The following UNC5C variants were observed in gnomAD, a reference collection of about 807,000 sequenced individuals.
The protein encoded by UNC5C is unc-5 netrin receptor C.
A neutral mutation model predicts 99.8 loss-of-function variants in UNC5C; 47 were observed. The ratio of observed to expected loss-of-function variants is 0.47; its 90% CI spans 0.37 to 0.60. The LOEUF is 0.60. Ranked by LOEUF, UNC5C falls within the 20% of genes least tolerant of loss-of-function variation. UNC5C has a pLI of 0.00. For missense variants in UNC5C, 1,062 were observed against 1,165.9 expected (o/e 0.91, Z 1.30); for synonymous variants, 487 against 452.2 (o/e 1.08, Z -0.98).
In UNC5C at chr4:95,250,661, A is replaced by G; in HGVS notation, c.601T>C (p.Trp201Arg). Residue 201 changes from tryptophan to arginine, a missense_variant, in exon 5 of 16, where the codon TGG becomes CGG. Trp to Arg is a moderately radical substitution (Grantham distance 101). This residue lies in a region of UNC5C where 249 missense variants were observed against 295.1 expected (regional missense o/e 0.84). Coordinates refer to ENST00000453304, the MANE Select transcript of UNC5C (RefSeq NM_003728.4). ...TCAATTATGTCTTCATTTTTCAACC[A>G]TTCCACCTAAAGATAAATGAGAAAA... is the stretch of plus-strand genomic sequence containing the variant. ...PEGIPVAEVE[W>R]LKNEDIIDPV... is the part of the protein sequence containing the mutation. The G allele has an allele frequency of 6.2e-7, 1 of 1,613,826 alleles. No individual in the cohort carries two copies. The highest frequency in any genetic ancestry group is 8.5e-7 in the Non-Finnish European group (1 of 1,179,850).
chr4:95,358,542 A>G (rs1744286848), intron 1 of UNC5C, among the ~76,000 whole-genome samples: 1 of 152,168 alleles, frequency 6.6e-6, no homozygotes, highest in African/African-American at 2.4e-5. Context: ...AGAAATCACA[A>G]TACTTGACAC....
intron 1 of UNC5C, among the ~76,000 whole-genome samples, chr4:95,525,822 A>G (rs1390066339): frequency 1.3e-5 from 2 of 152,140 alleles, no homozygotes; most frequent in African/African-American, 4.8e-5. Context: ...AATGGGAGGT[A>G]AGGGGGCTAT....
At chr4:95,390,853 A>G (rs554835673) in intron 1 of UNC5C, among the ~76,000 whole-genome samples, 57 of 152,298 alleles carry the variant, frequency 3.7e-4, no homozygotes, top group African/African-American at 1.3e-3. Flanking sequence ...CAGCCTCCAG[A>G]GTAGCTAGGA....
chr4:95,358,462 A>C (rs1291128714), intron 1 of UNC5C, among the ~76,000 whole-genome samples: 3 of 152,220 alleles, frequency 2.0e-5, no homozygotes, highest in African/African-American at 4.8e-5. Context: ...AGAAGATGGT[A>C]AGGGTATGAG....
At chr4:95,182,712 A>AT (rs1393551825) in intron 14 of UNC5C, among the ~76,000 whole-genome samples, 185 bp downstream of exon 14, 17 of 151,978 alleles carry the variant, frequency 1.1e-4, no homozygotes, top group Admixed American at 3.9e-4. Flanking sequence ...TAATATATAT[A>AT]TATTTTTTTC....
chr4:95,330,841 G>A (rs1743083631), intron 2 of UNC5C, among the ~76,000 whole-genome samples: 2 of 151,834 alleles, frequency 1.3e-5, no homozygotes, highest in Admixed American at 6.6e-5. Flanking sequence ...GTAATTTATG[G>A]GATATAAGTA....
At chr4:95,396,157 C>T (rs1745502781) in intron 1 of UNC5C, among the ~76,000 whole-genome samples, 2 of 152,136 alleles carry the variant, frequency 1.3e-5, no homozygotes, top group Admixed American at 1.3e-4. Context: ...TCAGAAGCTA[C>T]AGGGGAAGAG....
chr4:95,192,547 T>C (rs13123630), intron 12 of UNC5C, among the ~76,000 whole-genome samples: 7 of 135,430 alleles, frequency 5.2e-5, no homozygotes, highest in African/African-American at 1.4e-4. Context: ...CCTCTCCTGG[T>C]CGCCTCTTCT....
At chr4:95,349,071 G>A (rs1289207295) in intron 1 of UNC5C, among the ~76,000 whole-genome samples, 19 of 151,210 alleles carry the variant, frequency 1.3e-4, no homozygotes, top group Non-Finnish European at 4.4e-5. Flanking sequence ...AGAACAGGGA[G>A]ACCACAGTCA....
At chr4:95,286,823 C>A (rs2903005) in intron 3 of UNC5C, among the ~76,000 whole-genome samples, 1 of 151,882 alleles carries the variant, frequency 6.6e-6, no homozygotes, top group Non-Finnish European at 1.5e-5. Flanking sequence ...GGCCACAGAC[C>A]CCAAATCTGA....
At chr4:95,229,132 A>AT (rs1354845604) in intron 7 of UNC5C, among the ~76,000 whole-genome samples, 5 of 152,030 alleles carry the variant, frequency 3.3e-5, no homozygotes, top group Admixed American at 1.3e-4. Context: ...AGAAAATTCC[A>AT]TTTTTTTTAA....
chr4:95,294,805 C>A (rs771017004), intron 3 of UNC5C, among the ~76,000 whole-genome samples: 5 of 152,108 alleles, frequency 3.3e-5, no homozygotes, highest in Non-Finnish European at 7.4e-5. Context: ...TTTATGAACA[C>A]CTATTATCAT....
rs994781059 is a variant in UNC5C, at chr4:95,166,653, A to G, written c.*2581T>C. 2 of 152,196 alleles carry G rather than the reference A, an allele frequency of 1.3e-5. No individual in the cohort carries two copies. The highest frequency in any genetic ancestry group is 4.8e-5 in the African/African-American group (2 of 41,446). The allele number at this position is 152,196 out of a possible 1,614,324, so 9.4% of individuals were successfully genotyped here. On this transcript the variant is annotated 3_prime_UTR_variant, in exon 16 of 16. Coordinates refer to ENST00000453304, the MANE Select transcript of UNC5C (RefSeq NM_003728.4). ...TGCTCCCCTCTAGTTTTCACTAGGC[A>G]TAGAAGTTTCTTTGACCATTCAGTT...
At chr4:95,266,236 C>G (rs887327388) in intron 4 of UNC5C, among the ~76,000 whole-genome samples, 2 of 152,202 alleles carry the variant, frequency 1.3e-5, no homozygotes, top group African/African-American at 4.8e-5. Flanking sequence ...TCAATCCCTG[C>G]TAGTGTATGT....
intron 10 of UNC5C, among the ~76,000 whole-genome samples, chr4:95,211,136 C>T (rs1361627370): frequency 6.6e-6 from 1 of 152,200 alleles, no homozygotes; most frequent in Non-Finnish European, 1.5e-5. Context: ...TCTCCATCCA[C>T]CTCTGTGGGA....
chr4:95,508,191 A>T (rs1283750423), intron 1 of UNC5C, among the ~76,000 whole-genome samples: 1 of 151,996 alleles, frequency 6.6e-6, no homozygotes, highest in African/African-American at 2.4e-5. Flanking sequence ...CTGCTTAGGG[A>T]TCTACACATG....
chr4:95,440,070 A>T (rs1033444264), intron 1 of UNC5C, among the ~76,000 whole-genome samples: 1 of 152,084 alleles, frequency 6.6e-6, no homozygotes, highest in East Asian at 1.9e-4. Flanking sequence ...TCTGCTTTCC[A>T]TTGGTGGTTC....
chr4:95,485,401 C>G (rs1373858038), intron 1 of UNC5C, among the ~76,000 whole-genome samples: 1 of 151,728 alleles, frequency 6.6e-6, no homozygotes, highest in South Asian at 2.1e-4. Flanking sequence ...AGAAAATGAT[C>G]TGTAAGAACT....
chr4:95,464,807 T>G (rs1426335733), intron 1 of UNC5C, among the ~76,000 whole-genome samples: 1 of 152,196 alleles, frequency 6.6e-6, no homozygotes, highest in African/African-American at 2.4e-5. Context: ...CTATACCTCA[T>G]GTAAGTTTTG....
Sources: gnomAD v4.1 joint callset for allele counts (sites outside exome capture counted in the v4.1 genomes callset) on GRCh38, gnomAD v4.1.1 for gene constraint, gnomAD v4.1.1 regional missense constraint, MANE v1.5 for transcripts, NCBI Gene and HGNC (gene_info 2026-07-23, HGNC 2026-07-21) for gene names.